Variants in NF1 observed in about 807,000 individuals in gnomAD.
NF1 encodes the protein neurofibromin.
Under a neutral mutation model 325.7 loss-of-function variants are expected in NF1, and 122 were observed. The ratio of observed to expected loss-of-function variants is 0.37; its 90% CI spans 0.32 to 0.44. The LOEUF (loss-of-function observed/expected upper bound fraction) is 0.44. Among genes scored for constraint, NF1 ranks in the 20% least tolerant of loss-of-function variants. The pLI, the probability that NF1 is intolerant of heterozygous loss-of-function variation, is 1.00. For missense variants in NF1, 2,140 were observed against 3,415.4 expected (o/e 0.63, Z 9.31); for synonymous variants, 1,091 against 1,186.0 (o/e 0.92, Z 1.65).
intron 4 of NF1, among the ~76,000 whole-genome samples, chr17:31,167,391 A>T (rs528958520): frequency 1.2e-4 from 18 of 152,338 alleles, no homozygotes; most frequent in African/African-American, 4.3e-4. Flanking sequence ...AAAGTGAGTG[A>T]AACGAGAATT....
chr17:31,360,072 C>T (rs1185058214), intron 56 of NF1: 1 of 207,162 alleles, frequency 4.8e-6, no homozygotes, highest in Admixed American at 5.3e-5. Context: ...ATAAGTATAT[C>T]ATACAGAAGT....
chr17:31,101,531 T>C (rs1017689625), intron 1 of NF1, among the ~76,000 whole-genome samples: 1 of 152,212 alleles, frequency 6.6e-6, no homozygotes, highest in Admixed American at 6.5e-5. Flanking sequence ...TTTACCAAAC[T>C]CTTTCCCATT....
chr17:31,288,595 G>A (rs1241181035), intron 36 of NF1, among the ~76,000 whole-genome samples: 1 of 148,472 alleles, frequency 6.7e-6, no homozygotes, highest in Non-Finnish European at 1.5e-5. Context: ...GGAGTGCAGT[G>A]GCATGATCTC....
At chr17:31,293,433 A>T (rs2068393077) in intron 36 of NF1, among the ~76,000 whole-genome samples, 1 of 152,106 alleles carries the variant, frequency 6.6e-6, no homozygotes, top group South Asian at 2.1e-4. Context: ...TCATGGTGAG[A>T]TTCCCTGACA....
intron 1 of NF1, among the ~76,000 whole-genome samples, chr17:31,145,516 A>G (rs559628851): frequency 6.6e-6 from 1 of 152,080 alleles, no homozygotes; most frequent in African/African-American, 2.4e-5. Flanking sequence ...TTTTTACTTC[A>G]TTTAGGTCTC....
At chr17:31,095,479 G>A in intron 1 of NF1, 110 bp downstream of exon 1, 1 of 1,076,846 alleles carries the variant, frequency 9.3e-7, no homozygotes, top group Non-Finnish European at 1.3e-6. Context: ...AGGCTCTGGA[G>A]GAAAGGAAGG....
In NF1 at chr17:31,374,184, A is replaced by C. The variant is rs139147882; in HGVS notation, c.*29A>C. The C allele has an allele frequency of 3.7e-6, 6 of 1,613,698 alleles. No homozygotes were observed. The highest frequency in any genetic ancestry group is 1.7e-4 in the Middle Eastern group (1 of 6,050). Reference sequence around the variant, plus strand: ...TTGCTTGCTTTCTTTTTTAAAATCAACTTAACATGGGCTCTTCACTAGTGA... The same window carrying C: ...TTGCTTGCTTTCTTTTTTAAAATCACCTTAACATGGGCTCTTCACTAGTGA... On this transcript the variant is annotated 3_prime_UTR_variant, in exon 58 of 58. Transcript: ENST00000358273.
rs148176174 is a variant in NF1, at chr17:31,219,525, C to T, written c.1641+407C>T. Among the ~76,000 whole-genome samples the T allele has an allele frequency of 6.1e-3, 920 of 151,822 alleles. 3 individuals are homozygous for T. The highest frequency in any genetic ancestry group is 0.011 in the Non-Finnish European group (716 of 67,962). On this transcript the variant is annotated intron_variant, in intron 14 of 57. Transcript: ENST00000358273. ...ACTTTTAAGTTTTAGGTTACATGCG[C>T]ACAATGTGCAGGTTTGTTACATATG...
rs552926707 is a variant in NF1 at position 31,286,296 on chromosome 17, T to C, written c.4835+20957T>C. Among the ~76,000 whole-genome samples the C allele has an allele frequency of 1.1e-3, 171 of 152,286 alleles. 1 individual carries two copies. Among genetic ancestry groups the C allele is most frequent in the African/African-American group, 3.8e-3 (160 of 41,566 alleles). On this transcript the variant is annotated intron_variant, in intron 36 of 57. Coordinates refer to ENST00000358273, the MANE Select transcript of NF1 (RefSeq NM_001042492.3). ...TTTTAGTAGAGACAGGGTTTTGCTC[T>C]GTTGGCCAGGCTGGTCTCCAAGTCC...
chr17:31,292,470 C>T (rs906926139), intron 36 of NF1, among the ~76,000 whole-genome samples: 3 of 151,986 alleles, frequency 2.0e-5, no homozygotes. Flanking sequence ...CCTGTGTATA[C>T]CAAAATTTGC....
intron 36 of NF1, among the ~76,000 whole-genome samples, chr17:31,317,325 A>G (rs529606388): frequency 6.6e-6 from 1 of 151,754 alleles, no homozygotes; most frequent in South Asian, 2.1e-4. Context: ...CAGTTTCTTT[A>G]AAGGTTAAAT....
At chr17:31,325,215 A>G (rs1037476716) in intron 36 of NF1, among the ~76,000 whole-genome samples, 9 of 152,066 alleles carry the variant, frequency 5.9e-5, no homozygotes, top group East Asian at 1.9e-4. Context: ...CAGTTTGTCT[A>G]TTTCTCAGCT....
chr17:31,300,539 C>T (rs2068552302), intron 36 of NF1, among the ~76,000 whole-genome samples: 1 of 152,064 alleles, frequency 6.6e-6, no homozygotes. Flanking sequence ...ATGGCTTATT[C>T]AACCAGTCCC....
intron 36 of NF1, among the ~76,000 whole-genome samples, chr17:31,277,697 C>T (rs1426234891): frequency 6.6e-6 from 1 of 152,112 alleles, no homozygotes; most frequent in East Asian, 1.9e-4. Context: ...ATTTTTGGCT[C>T]CGTTTCTGCA....
intron 17 of NF1, 38 bp from the exon 18 acceptor site, chr17:31,226,397 C>T (rs2151425400): frequency 6.3e-7 from 1 of 1,591,768 alleles, no homozygotes; most frequent in Non-Finnish European, 8.5e-7. Context: ...TAAAATTACC[C>T]AAGTTGCAAA....
intron 1 of NF1, among the ~76,000 whole-genome samples, chr17:31,135,947 C>T (rs1429518795): frequency 2.0e-5 from 3 of 152,006 alleles, no homozygotes; most frequent in African/African-American, 7.2e-5. Context: ...GAATTTACCT[C>T]TGGGTTCATT....
intron 36 of NF1, chr17:31,304,844 T>A: frequency 6.2e-7 from 1 of 1,614,078 alleles, no homozygotes; most frequent in Non-Finnish European, 8.5e-7. Flanking sequence ...TCTCTGATGT[T>A]ATCCATACAA....
At chr17:31,124,518 GT>G (rs533674111) in intron 1 of NF1, among the ~76,000 whole-genome samples, 1,621 of 106,524 alleles carry the variant, frequency 0.015, 24 homozygotes, top group African/African-American at 0.044. Flanking sequence ...TGTTTTCAGG[GT>G]TTTTTTTTTT....
At chr17:31,100,710 C>T (rs1912245494) in intron 1 of NF1, among the ~76,000 whole-genome samples, 2 of 152,124 alleles carry the variant, frequency 1.3e-5, no homozygotes, top group African/African-American at 4.8e-5. Flanking sequence ...GCTGGGACTA[C>T]AGGCGCATGC....
Sources: allele counts gnomAD v4.1 joint callset (sites outside exome capture counted in the v4.1 genomes callset), GRCh38; gene constraint gnomAD v4.1.1; transcripts MANE v1.5; gene names NCBI Gene and HGNC (gene_info 2026-07-23, HGNC 2026-07-21).